Variants in DTL observed in about 807,000 individuals in gnomAD.
DTL encodes denticleless E3 ubiquitin protein ligase adapter.
Under a neutral mutation model 87.0 loss-of-function variants are expected in DTL, and 46 were observed. The ratio of observed to expected loss-of-function variants is 0.53; its 90% CI spans 0.42 to 0.68. DTL has a LOEUF of 0.68. Ranked by LOEUF, DTL falls within the 30% of genes least tolerant of loss-of-function variation. The probability of loss-of-function intolerance (pLI) is 0.00; values close to 1 mark genes in which losing one functional copy is unlikely to be tolerated. For missense variants in DTL, 737 were observed against 869.4 expected (o/e 0.85, Z 1.91); for synonymous variants, 308 against 311.2 (o/e 0.99, Z 0.11).
At chr1:212,101,541 A>C (rs1655626458) in intron 14 of DTL, among the ~76,000 whole-genome samples, 1 of 152,238 alleles carries the variant, frequency 6.6e-6, no homozygotes, top group South Asian at 2.1e-4. Flanking sequence ...GTAGATTTCC[A>C]GTTTGTAATT....
chr1:212,089,433 G>T (rs1384035288), intron 13 of DTL, among the ~76,000 whole-genome samples: 1 of 152,148 alleles, frequency 6.6e-6, no homozygotes, highest in African/African-American at 2.4e-5. Context: ...GTATTTTGGG[G>T]TTTTTTAAGG....
chr1:212,083,163 T>C (rs1558086627), intron 13 of DTL, among the ~76,000 whole-genome samples: 1 of 152,162 alleles, frequency 6.6e-6, no homozygotes, highest in Non-Finnish European at 1.5e-5. Flanking sequence ...CTCACAATCA[T>C]GGCAGAAGGC....
intron 5 of DTL, among the ~76,000 whole-genome samples, chr1:212,052,507 G>A (rs1232030856): frequency 6.6e-6 from 1 of 151,570 alleles, no homozygotes; most frequent in Non-Finnish European, 1.5e-5. Context: ...CGTTGTGGTG[G>A]GCACCTGTAA....
intron 4 of DTL, 21 bp downstream of exon 4, chr1:212,047,233 A>G (rs578222368): frequency 6.2e-7 from 1 of 1,614,134 alleles, no homozygotes; most frequent in Non-Finnish European, 8.5e-7. Context: ...TTATTTCATT[A>G]GGATCTGGGT....
chr1:212,061,498 C>A (rs371197120), intron 5 of DTL, among the ~76,000 whole-genome samples: 166 of 143,806 alleles, frequency 1.2e-3, no homozygotes, highest in Admixed American at 1.7e-3. Context: ...TAAGATTTCT[C>A]AAAAAAAAAA....
intron 2 of DTL, 30 bp from the exon 3 acceptor site, chr1:212,044,630 T>TTG: frequency 8.0e-7 from 1 of 1,243,388 alleles, no homozygotes; most frequent in Non-Finnish European, 1.1e-6. Flanking sequence ...TGTGTTACTC[T>TTG]ATATATTTTT....
chr1:212,074,991 T>A (rs1272754243), intron 11 of DTL, among the ~76,000 whole-genome samples: 1 of 152,184 alleles, frequency 6.6e-6, no homozygotes, highest in Non-Finnish European at 1.5e-5. Context: ...CACCCCATCC[T>A]CTTTTCTCTG....
intron 13 of DTL, among the ~76,000 whole-genome samples, chr1:212,098,044 A>C (rs926711335): frequency 3.9e-5 from 6 of 151,986 alleles, no homozygotes; most frequent in Non-Finnish European, 1.5e-5. Flanking sequence ...GGTACTGGAG[A>C]GTGTCTGCTA....
At chr1:212,072,762 T>TC (rs1273206976) in intron 11 of DTL, among the ~76,000 whole-genome samples, 5 of 104,416 alleles carry the variant, frequency 4.8e-5, no homozygotes, top group East Asian at 4.4e-4. Flanking sequence ...TTACTAATCT[T>TC]TTTTTTTTTT....
Position 212,103,248 on chromosome 1 carries a change from A to T in DTL, c.*308A>T, listed in dbSNP as rs1655675519. ...TATTCATCTTCTCTATAATAATGACATCCCAGTTCATGGAGGCAAAAAACA... is the reference window on the plus strand; with the variant it reads ...TATTCATCTTCTCTATAATAATGACTTCCCAGTTCATGGAGGCAAAAAACA... On this transcript the variant is annotated 3_prime_UTR_variant, in exon 15 of 15. Transcript: ENST00000366991. 1 of 164,650 alleles carries T rather than the reference A, an allele frequency of 6.1e-6. No homozygotes were observed. The highest frequency in any genetic ancestry group is 2.4e-5 in the African/African-American group (1 of 41,886). The allele number at this position is 164,650 out of a possible 1,614,324, so 10.2% of individuals were successfully genotyped here. A position where few individuals can be genotyped will look rare whatever the true frequency, so the allele number is the denominator to read the frequency against.
At chr1:212,095,210 T>G (rs1166827163) in intron 13 of DTL, among the ~76,000 whole-genome samples, 2 of 152,216 alleles carry the variant, frequency 1.3e-5, no homozygotes, top group African/African-American at 4.8e-5. Flanking sequence ...CCCCGTTCAG[T>G]ATAACGTTGG....
At chr1:212,064,322 T>TAA (rs1213575849) in intron 6 of DTL, among the ~76,000 whole-genome samples, 218 of 152,304 alleles carry the variant, frequency 1.4e-3, no homozygotes, top group African/African-American at 4.9e-3. Context: ...CAACATCCTG[T>TAA]GCCTGAGTGG....
intron 12 of DTL, 91 bp from the exon 13 acceptor site, chr1:212,080,524 C>A: frequency 2.7e-6 from 3 of 1,125,456 alleles, no homozygotes; most frequent in Non-Finnish European, 3.8e-6. Flanking sequence ...AATAATTATC[C>A]AGTCACAAGG....
chr1:212,094,035 C>G (rs1655370697), intron 13 of DTL, among the ~76,000 whole-genome samples: 1 of 152,236 alleles, frequency 6.6e-6, no homozygotes, highest in Non-Finnish European at 1.5e-5. Context: ...TGAAGACTTT[C>G]TCCCACTCTG....
chr1:212,069,494 C>T (rs1654607414), intron 10 of DTL, among the ~76,000 whole-genome samples: 1 of 151,808 alleles, frequency 6.6e-6, no homozygotes, highest in African/African-American at 2.4e-5. Flanking sequence ...CAAGAAATCT[C>T]AAGTACAGAA....
chr1:212,091,676 A>G (rs1265202084), intron 13 of DTL, among the ~76,000 whole-genome samples: 1 of 152,212 alleles, frequency 6.6e-6, no homozygotes, highest in Admixed American at 6.5e-5. Context: ...GCTAGGAGAA[A>G]TAAGCCAGAC....
chr1:212,047,135 C>A lies in DTL; in HGVS notation c.278-16C>A, dbSNP rs1667830614. 2 of 1,612,602 alleles carry A rather than the reference C, an allele frequency of 1.2e-6. No homozygotes were observed. Among genetic ancestry groups the A allele is most frequent in the Non-Finnish European group, 1.7e-6 (2 of 1,178,678 alleles). ...TACAATTTAGACATTTCACATTTAC[C>A]ATTTTCTTTGTTTAGAATGGATGGC... On this transcript the variant is annotated splice_polypyrimidine_tract_variant and intron_variant, in intron 3 of 14. Coordinates refer to ENST00000366991, the MANE Select transcript of DTL (RefSeq NM_016448.4).
intron 2 of DTL, among the ~76,000 whole-genome samples, chr1:212,043,417 A>G (rs1667711130): frequency 6.6e-6 from 1 of 152,250 alleles, no homozygotes; most frequent in South Asian, 2.1e-4. Context: ...TCCAGTAGAT[A>G]CATACCCTTT....
Position 212,062,908 on chromosome 1 carries a change from A to T in DTL, c.485A>T (p.Asp162Val). 1 of 1,613,788 alleles carries T rather than the reference A, an allele frequency of 6.2e-7. No homozygotes were observed. The highest frequency in any genetic ancestry group is 2.2e-5 in the East Asian group (1 of 44,838). ...GCTGTATTCTGTACGGGTGGAAGAG[A>T]TGGCAACATTATGGTCTGGGATACC... ...EKAVFCTGGR[D>V]GNIMVWDTRC... is the part of the protein sequence containing the mutation. Residue 162 changes from aspartate to valine, a missense_variant, in exon 6 of 15, where the codon GAT (aspartate) becomes GTT (valine). Asp to Val is a radical substitution (Grantham distance 152). Coordinates refer to ENST00000366991, the MANE Select transcript of DTL (RefSeq NM_016448.4).
Sources: gnomAD v4.1 joint callset for allele counts (sites outside exome capture counted in the v4.1 genomes callset) on GRCh38, gnomAD v4.1.1 for gene constraint, MANE v1.5 for transcripts, NCBI Gene and HGNC (gene_info 2026-07-23, HGNC 2026-07-21) for gene names.